Variants in SYNJ2 observed in about 807,000 individuals in gnomAD.
The protein encoded by SYNJ2 is polyphosphatidylinositol phosphatase SYNJ2.
SYNJ2 carries 116 observed loss-of-function variants against 141.3 expected under a neutral mutation model. That is an observed-to-expected ratio of 0.82 (90% CI 0.71 to 0.96). The LOEUF is 0.96. Among genes scored for constraint, SYNJ2 ranks in the 40% least tolerant of loss-of-function variants. The pLI is 0.00. For missense variants in SYNJ2, 1,873 were observed against 1,934.8 expected, an observed-to-expected ratio of 0.97 and a Z score of 0.60; for synonymous variants, 745 against 777.7, an observed-to-expected ratio of 0.96 and a Z score of 0.70.
intron 2 of SYNJ2, among the ~76,000 whole-genome samples, chr6:158,023,497 C>T (rs191728865): frequency 2.0e-5 from 3 of 152,254 alleles, no homozygotes; most frequent in Non-Finnish European, 2.9e-5. Context: ...TCTGTGGTTA[C>T]ACCCGTCCCA....
At chr6:157,993,230 G>T (rs1031287100) in intron 1 of SYNJ2, among the ~76,000 whole-genome samples, 2 of 152,264 alleles carry the variant, frequency 1.3e-5, no homozygotes, top group East Asian at 3.9e-4. Context: ...CATTGTAATT[G>T]GGGTAAGATG....
intron 1 of SYNJ2, among the ~76,000 whole-genome samples, chr6:157,989,469 G>GATATATATATAA (rs1777333719): frequency 1.2e-5 from 1 of 86,464 alleles, no homozygotes; most frequent in African/African-American, 3.8e-5. Flanking sequence ...TATATATATG[G>GATATATATATAA]AAAAAGACTC....
At position 158,071,455 on chromosome 6, in the gene SYNJ2, G is replaced by A. The variant is rs755592458; in HGVS notation, c.1941-147G>A. On this transcript the variant is annotated intron_variant, in intron 14 of 26. Transcript: ENST00000355585. The surrounding 1 kb of genome is among the most constrained non-coding windows in gnomAD (Gnocchi z 4.3). Reference sequence around the variant, plus strand: ...GGCCTCCTGACCAGGAGTCGATGACGGCCACGGTGGCCACTGTGTTGAGCT... The same window carrying A: ...GGCCTCCTGACCAGGAGTCGATGACAGCCACGGTGGCCACTGTGTTGAGCT... The A allele has an allele frequency of 7.9e-6, 7 of 883,230 alleles. No individual in the cohort carries two copies. The highest frequency in any genetic ancestry group is 5.9e-5 in the Admixed American group (2 of 33,824). 54.7% of individuals were successfully genotyped at this position (883,230 alleles called of 1,614,324 possible).
At chr6:158,080,480 A>T (rs1428334729) in intron 18 of SYNJ2, among the ~76,000 whole-genome samples, 1 of 28,074 alleles carries the variant, frequency 3.6e-5, no homozygotes, top group Non-Finnish European at 6.9e-5. Flanking sequence ...GACTCAAAAT[A>T]AAAAAAAAAA....
chr6:158,030,515 C>T (rs188027196), intron 3 of SYNJ2: 78 of 152,794 alleles, frequency 5.1e-4, no homozygotes, highest in Non-Finnish European at 4.3e-4. Flanking sequence ...GTGTCCATCC[C>T]AACGCTCCCC....
In SYNJ2 at chr6:158,065,621, G is replaced by A. The variant is rs142859108; in HGVS notation, c.1525+630G>A. Among the ~76,000 whole-genome samples the A allele has an allele frequency of 7.9e-5, 12 of 152,324 alleles. No homozygotes were observed. In the East Asian group the frequency reaches 1.9e-3, roughly 24 times the overall value. Reference sequence around the variant, plus strand: ...TTCCTTATAAGAATGTACAAGTGTCGCTTTAGAAATGTCAGGTGTTTTTGA... The same window carrying A: ...TTCCTTATAAGAATGTACAAGTGTCACTTTAGAAATGTCAGGTGTTTTTGA... On this transcript the variant is annotated intron_variant, in intron 11 of 26. Coordinates refer to ENST00000355585, the MANE Select transcript of SYNJ2 (RefSeq NM_003898.4).
intron 17 of SYNJ2, chr6:158,077,747 C>G (rs1782405888): frequency 6.6e-6 from 1 of 151,388 alleles, no homozygotes; most frequent in Non-Finnish European, 1.5e-5. Flanking sequence ...ACAAATTTTC[C>G]TCTAGATGAG....
At chr6:158,000,469 T>A (rs1406741869) in intron 1 of SYNJ2, among the ~76,000 whole-genome samples, 1 of 152,094 alleles carries the variant, frequency 6.6e-6, no homozygotes. Context: ...CAGTAGGCCG[T>A]CTCATAGCCC....
Position 158,086,909 on chromosome 6 carries a change from G to A in SYNJ2, c.3263G>A (p.Arg1088His), listed in dbSNP as rs769238000. The A allele has an allele frequency of 1.2e-5, 20 of 1,609,812 alleles. No homozygotes were observed. Among genetic ancestry groups the A allele is most frequent in the Admixed American group, 1.7e-5 (1 of 60,028 alleles). ...KRELEAVGEF[R>H]HRSPSRSLSV... The stretch of plus-strand genomic sequence containing the variant: ...GAGCTGGAAGCCGTCGGGGAGTTCC[G>A]CCACCGTTCTCCGAGCAGGTCTCTG... Residue 1088 changes from arginine (R) to histidine (H), a missense_variant, in exon 23 of 27, where the codon CGC becomes CAC. Physicochemically the swap from Arg to His is conservative, Grantham distance 29. Coordinates refer to ENST00000355585, the MANE Select transcript of SYNJ2 (RefSeq NM_003898.4).
Position 158,074,625 on chromosome 6 carries a change from T to A in SYNJ2, c.2179T>A (p.Phe727Ile). 6.2e-7 allele frequency: 1 copy of A among 1,613,880 alleles called. No individual in the cohort carries two copies. The highest frequency in any genetic ancestry group is 8.5e-7 in the Non-Finnish European group (1 of 1,179,958). ...TGATTATGTATTTTGGTGTGGCGAT[T>A]TCAACTACCGCATTGATCTTACTTA... ...SHDYVFWCGDFNYRIDLTYEE... is the reference protein window; with the variant it reads ...SHDYVFWCGDINYRIDLTYEE... The change falls in exon 16 of 27, where the codon TTC (phenylalanine) becomes ATC (isoleucine). Residue 727 changes from phenylalanine (F) to isoleucine (I), a missense_variant. Coordinates refer to ENST00000355585, the MANE Select transcript of SYNJ2 (RefSeq NM_003898.4).
Position 158,043,450 on chromosome 6 carries a change from C to T in SYNJ2, c.795+51C>T. On this transcript the variant is annotated intron_variant, in intron 5 of 26. Coordinates refer to ENST00000355585, the MANE Select transcript of SYNJ2 (RefSeq NM_003898.4). This position sits in a 1 kb window ranked among gnomAD's most constrained non-coding sequence, Gnocchi z 4.0. ...CCCCTTGTGATGTTGTCCGCCCTGC[C>T]CTTCCCTTCAATAGCTGGGGAAGAT... 1 of 1,349,862 alleles carries T rather than the reference C, an allele frequency of 7.4e-7. No homozygotes were observed. The highest frequency in any genetic ancestry group is 1.1e-6 in the Non-Finnish European group (1 of 950,094). The allele number at this position is 1,349,862 out of a possible 1,614,324, so 83.6% of individuals were successfully genotyped here.
At chr6:158,034,645 C>T (rs1779544869) in intron 4 of SYNJ2, among the ~76,000 whole-genome samples, 1 of 152,204 alleles carries the variant, frequency 6.6e-6, no homozygotes, top group African/African-American at 2.4e-5. Context: ...CAATTACTTG[C>T]CTGTAATTCT....
At chr6:158,060,514 C>T (rs1405443791) in intron 7 of SYNJ2, among the ~76,000 whole-genome samples, 3 of 152,214 alleles carry the variant, frequency 2.0e-5, no homozygotes, top group East Asian at 1.9e-4. Flanking sequence ...GGGGTTAGGG[C>T]GATCTCTGAG....
Position 158,076,665 on chromosome 6 carries a change from C to T in SYNJ2, c.2332C>T (p.Pro778Ser), listed in dbSNP as rs1343849932. ...DFHEGAINFG[P>S]TYKYDVGSAA... ...TCACGAAGGAGCCATTAACTTTGGA[C>T]CCACCTACAAGTATGACGTTGGCTC... is the stretch of plus-strand genomic sequence containing the variant. The change falls in exon 17 of 27, where the codon CCC becomes TCC. Residue 778 changes from proline (P) to serine (S), a missense_variant. Physicochemically the swap from Pro to Ser is moderately conservative, Grantham distance 74. Transcript: ENST00000355585. 6.2e-7 allele frequency: 1 copy of T among 1,614,070 alleles called. No homozygotes were observed.
rs756741763 is a variant in SYNJ2, at chr6:158,076,791, G to T, written c.2449+9G>T. ...TCCCTTTGATAAAACAGGTGAGGGG[G>T]CCGTGCCCGTTCGAGAGTCGGCAGA... On this transcript the variant is annotated intron_variant, in intron 17 of 26. Transcript: ENST00000355585. 2 of 1,602,250 alleles carry T rather than the reference G, an allele frequency of 1.2e-6. No individual in the cohort carries two copies. The highest frequency in any genetic ancestry group is 2.2e-5 in the East Asian group (1 of 44,604).
At chr6:158,063,440 C>T (rs1781345732) in intron 8 of SYNJ2, among the ~76,000 whole-genome samples, 1 of 152,004 alleles carries the variant, frequency 6.6e-6, no homozygotes. Context: ...GTGGGCGGAT[C>T]ACAAGGTCAG....
rs58284240 is a variant in SYNJ2 at position 158,000,064 on chromosome 6, C to CTTT, written c.128-17103_128-17101dup. ...GCCAGGTTCTCACCAAGCCAAAAGG[C>CTTT]TTTTTTTTTTTTTTTTTTTTTTTTT... On this transcript the variant is annotated intron_variant, in intron 1 of 26. Coordinates refer to ENST00000355585, the MANE Select transcript of SYNJ2 (RefSeq NM_003898.4). Among the ~76,000 whole-genome samples, 467 of 85,548 alleles carry CTTT rather than the reference C, an allele frequency of 5.5e-3. 135 individuals carry two copies. Among genetic ancestry groups the CTTT allele is most frequent in the Non-Finnish European group, 8.6e-3 (350 of 40,816 alleles). The allele number at this position is 85,548 out of a possible 152,430, so 56.1% of individuals were successfully genotyped here.
rs756823424 is a variant in SYNJ2, at chr6:158,069,542, C to G, written c.1809C>G (p.Asn603Lys). 1 of 1,612,796 alleles carries G rather than the reference C, an allele frequency of 6.2e-7. No individual in the cohort carries two copies. Among genetic ancestry groups the G allele is most frequent in the Non-Finnish European group, 8.5e-7 (1 of 1,179,208 alleles). ...AGNIVNASTTNKKMWGEQLQK... is the reference protein window; with the variant it reads ...AGNIVNASTTKKKMWGEQLQK... The stretch of plus-strand genomic sequence containing the variant: ...TCCTTTTCTCTTCCAGTACTACCAA[C>G]AAGAAGATGTGGGGTGAACAGCTTC... Residue 603 changes from asparagine (N) to lysine (K), a missense_variant, in exon 14 of 27, where the codon AAC (asparagine) becomes AAG (lysine). Transcript: ENST00000355585.
chr6:158,094,386 C>T (rs975484047), intron 26 of SYNJ2, among the ~76,000 whole-genome samples: 6 of 111,670 alleles, frequency 5.4e-5, no homozygotes, highest in African/African-American at 3.9e-5. Flanking sequence ...CATTAGCCTA[C>T]GGCTGGGCAA....
Sources: gnomAD v4.1 joint callset for allele counts (sites outside exome capture counted in the v4.1 genomes callset) on GRCh38, gnomAD v4.1.1 for gene constraint, Gnocchi (gnomAD v3.1) non-coding constraint, MANE v1.5 for transcripts, NCBI Gene and HGNC (gene_info 2026-07-23, HGNC 2026-07-21) for gene names.